The following MSI2 variants were observed in gnomAD, a reference collection of about 807,000 sequenced individuals.
MSI2 encodes musashi RNA binding protein 2, also known as RNA-binding protein Musashi homolog 2.
In MSI2, 17 loss-of-function variants were observed where a neutral mutation model predicts 45.6. The ratio of observed to expected loss-of-function variants is 0.37; its 90% CI spans 0.26 to 0.56. The LOEUF (loss-of-function observed/expected upper bound fraction) is 0.56. MSI2 is among the 20% of genes least tolerant of loss of function. The pLI is 0.77. For missense variants in MSI2, 293 were observed against 444.2 expected, an observed-to-expected ratio of 0.66 and a Z score of 3.06; for synonymous variants, 156 against 158.2, an observed-to-expected ratio of 0.99 and a Z score of 0.11.
intron 5 of MSI2, among the ~76,000 whole-genome samples, chr17:57,383,776 G>C (rs1021610215): frequency 6.6e-6 from 1 of 152,202 alleles, no homozygotes; most frequent in African/African-American, 2.4e-5. Context: ...GTGTGCCTTG[G>C]GGGTGGTTAT....
At chr17:57,521,415 GGA>G (rs1491125334) in intron 6 of MSI2, among the ~76,000 whole-genome samples, 1 of 132,558 alleles carries the variant, frequency 7.5e-6, no homozygotes, top group Non-Finnish European at 1.5e-5. Context: ...GGTGGTGATG[GGA>G]AAAAAAACAA....
chr17:57,288,298 T>C (rs1910103680), intron 5 of MSI2, among the ~76,000 whole-genome samples: 1 of 152,222 alleles, frequency 6.6e-6, no homozygotes, highest in Admixed American at 6.5e-5. Context: ...TGGACCCAGC[T>C]GTTGTCGCTG....
At chr17:57,674,054 C>A (rs890095594) in intron 11 of MSI2, among the ~76,000 whole-genome samples, 5 of 151,500 alleles carry the variant, frequency 3.3e-5, no homozygotes, top group Admixed American at 1.3e-4. Flanking sequence ...TCCACCCCAG[C>A]TCTGGCCCCA....
intron 6 of MSI2, among the ~76,000 whole-genome samples, chr17:57,484,169 C>T (rs1325478383): frequency 1.3e-5 from 2 of 152,226 alleles, no homozygotes; most frequent in African/African-American, 2.4e-5. Context: ...CACCTTCCTC[C>T]CTGTGACTGT....
At chr17:57,277,282 T>C (rs373424584) in intron 5 of MSI2, among the ~76,000 whole-genome samples, 5 of 152,162 alleles carry the variant, frequency 3.3e-5, no homozygotes, top group East Asian at 3.9e-4. Flanking sequence ...GGTCTCGAAC[T>C]CCTGACCTCA....
intron 5 of MSI2, among the ~76,000 whole-genome samples, chr17:57,346,915 CT>C (rs1164900485): frequency 6.6e-6 from 1 of 152,110 alleles, no homozygotes; most frequent in East Asian, 1.9e-4. Context: ...CCAAAGTGTC[CT>C]ATTTTTACAA....
At chr17:57,505,510 C>T (rs1027112776) in intron 6 of MSI2, among the ~76,000 whole-genome samples, 6 of 152,164 alleles carry the variant, frequency 3.9e-5, no homozygotes. Context: ...TCCAGACTTA[C>T]TGAACAAATT....
chr17:57,557,145 A>G (rs984281185), intron 7 of MSI2, among the ~76,000 whole-genome samples: 2 of 152,224 alleles, frequency 1.3e-5, no homozygotes, highest in African/African-American at 4.8e-5. Context: ...AGCCAAAGGC[A>G]TGGCAGATGG....
intron 6 of MSI2, among the ~76,000 whole-genome samples, chr17:57,528,117 G>A (rs903139407): frequency 1.3e-5 from 2 of 151,144 alleles, no homozygotes; most frequent in African/African-American, 4.9e-5. Flanking sequence ...ACAGCCACAC[G>A]GACTGGGTTG....
intron 6 of MSI2, among the ~76,000 whole-genome samples, chr17:57,461,075 G>A (rs1381780614): frequency 1.3e-5 from 2 of 152,192 alleles, no homozygotes; most frequent in Non-Finnish European, 2.9e-5. Context: ...CCTTGTCTCA[G>A]TGCCCCATTT....
chr17:57,314,076 G>A (rs956634122), intron 5 of MSI2, among the ~76,000 whole-genome samples: 20 of 152,150 alleles, frequency 1.3e-4, no homozygotes, highest in Admixed American at 8.5e-4. Context: ...AGGGCTGGGA[G>A]GGAAGGATCA....
chr17:57,507,871 C>T (rs1465530593), intron 6 of MSI2, among the ~76,000 whole-genome samples: 1 of 152,072 alleles, frequency 6.6e-6, no homozygotes, highest in Non-Finnish European at 1.5e-5. Context: ...GTGTCGATCT[C>T]CTGGCCTCAA....
chr17:57,558,745 G>T (rs1409621610), intron 7 of MSI2, among the ~76,000 whole-genome samples: 2 of 152,300 alleles, frequency 1.3e-5, no homozygotes, highest in East Asian at 3.9e-4. Context: ...CAGTTTGTCT[G>T]TTTGCCTCCC....
chr17:57,334,343 G>A lies in MSI2; in HGVS notation c.313-67036G>A, dbSNP rs1284609841. Among the ~76,000 whole-genome samples, 4 of 152,182 alleles carry A rather than the reference G, an allele frequency of 2.6e-5. 1 individual carries two copies. Among genetic ancestry groups the A allele is most frequent in the Non-Finnish European group, 5.9e-5 (4 of 68,032 alleles). ...GTCCTCTGCCATCTGGGTAGGTGGTGATTAAAAATGGCAAGCCTCACAGCT... is the reference window on the plus strand; with the variant it reads ...GTCCTCTGCCATCTGGGTAGGTGGTAATTAAAAATGGCAAGCCTCACAGCT... On this transcript the variant is annotated intron_variant, in intron 5 of 13. Coordinates refer to ENST00000284073, the MANE Select transcript of MSI2 (RefSeq NM_138962.4).
At chr17:57,380,964 C>G (rs1239763003) in intron 5 of MSI2, among the ~76,000 whole-genome samples, 1 of 152,134 alleles carries the variant, frequency 6.6e-6, no homozygotes, top group Non-Finnish European at 1.5e-5. Flanking sequence ...AATTCTGGCT[C>G]CCCTGACCCC....
chr17:57,669,884 G>A (rs538111551), intron 11 of MSI2, among the ~76,000 whole-genome samples: 21 of 152,152 alleles, frequency 1.4e-4, no homozygotes, highest in Non-Finnish European at 2.4e-4. Flanking sequence ...ATGTACCAGG[G>A]GCCACTGCGG....
At chr17:57,688,025 A>G (rs1913916460), downstream of MSI2, among the ~76,000 whole-genome samples, 1 of 152,128 alleles carries the variant, frequency 6.6e-6, no homozygotes, top group Non-Finnish European at 1.5e-5. Context: ...TTCTAATAAC[A>G]CCATGGAATG....
intron 6 of MSI2, among the ~76,000 whole-genome samples, chr17:57,502,636 T>TATATAGAG: frequency 1.0e-5 from 1 of 96,900 alleles, no homozygotes; most frequent in African/African-American, 3.5e-5. Context: ...TATATATATA[T>TATATAGAG]AGTCATCATT....
intron 5 of MSI2, among the ~76,000 whole-genome samples, chr17:57,272,585 A>G (rs780309663): frequency 6.6e-6 from 1 of 152,196 alleles, no homozygotes; most frequent in Non-Finnish European, 1.5e-5. Context: ...AGTAATCCGT[A>G]TTTCCATGTT....
Sources: gnomAD v4.1 joint callset for allele counts (sites outside exome capture counted in the v4.1 genomes callset) on GRCh38, gnomAD v4.1.1 for gene constraint, MANE v1.5 for transcripts, NCBI Gene and HGNC (gene_info 2026-07-23, HGNC 2026-07-21) for gene names.